Variants in UIMC1 observed in about 807,000 individuals in gnomAD.
UIMC1 encodes the protein BRCA1-A complex subunit RAP80.
UIMC1 carries 42 observed loss-of-function variants against 84.9 expected under a neutral mutation model. The observed-to-expected ratio is 0.49, with a 90% CI of 0.39 to 0.64. The LOEUF (loss-of-function observed/expected upper bound fraction) is 0.64. Ranked by LOEUF, UIMC1 falls within the 30% of genes least tolerant of loss-of-function variation. UIMC1 has a pLI of 0.00. For missense variants in UIMC1, 825 were observed against 847.6 expected (o/e 0.97, Z 0.33); for synonymous variants, 281 against 293.0 (o/e 0.96, Z 0.42).
At chr5:176,957,771 G>C (rs1028304349) in intron 7 of UIMC1, among the ~76,000 whole-genome samples, 1 of 152,144 alleles carries the variant, frequency 6.6e-6, no homozygotes, top group African/African-American at 2.4e-5. Flanking sequence ...CCTTCAAATT[G>C]GCATAGAAAA....
chr5:176,974,165 A>G (rs1355254035), intron 3 of UIMC1, among the ~76,000 whole-genome samples: 4 of 152,352 alleles, frequency 2.6e-5, no homozygotes, highest in Non-Finnish European at 5.9e-5. Flanking sequence ...GAATTATACT[A>G]CCTGATTTTA....
intron 2 of UIMC1, among the ~76,000 whole-genome samples, chr5:176,977,944 CAAAACA>C (rs1037860241): frequency 6.6e-6 from 1 of 151,634 alleles, no homozygotes; most frequent in African/African-American, 2.4e-5. Context: ...AAAATAATAA[CAAAACA>C]AAAACAAAAA....
intron 11 of UIMC1, among the ~76,000 whole-genome samples, chr5:176,909,039 T>G (rs1313506929): frequency 6.6e-6 from 1 of 152,226 alleles, no homozygotes; most frequent in African/African-American, 2.4e-5. Flanking sequence ...GTAATAGTTT[T>G]TTTCAAAGAG....
chr5:176,950,009 C>T (rs750352703), intron 9 of UIMC1, among the ~76,000 whole-genome samples: 15 of 151,002 alleles, frequency 9.9e-5, no homozygotes, highest in Non-Finnish European at 1.9e-4. Context: ...GAGCCGAGAT[C>T]GCACCACTGC....
At chr5:176,947,915 CAA>C (rs111233011) in intron 9 of UIMC1, among the ~76,000 whole-genome samples, 4 of 140,294 alleles carry the variant, frequency 2.9e-5, no homozygotes, top group African/African-American at 2.6e-5. Flanking sequence ...CTTCAGACTT[CAA>C]AAAAAAAAAA....
At chr5:176,944,691 A>G (rs1764867216) in intron 9 of UIMC1, among the ~76,000 whole-genome samples, 1 of 152,230 alleles carries the variant, frequency 6.6e-6, no homozygotes, top group South Asian at 2.1e-4. Flanking sequence ...TTGGGGTAAG[A>G]GGTTGGGGCT....
intron 1 of UIMC1, among the ~76,000 whole-genome samples, chr5:176,983,773 C>T (rs1013470703): frequency 4.6e-5 from 7 of 151,300 alleles, no homozygotes; most frequent in Admixed American, 6.6e-5. Flanking sequence ...GCCGCCACCC[C>T]GTCTAGGAAG....
chr5:176,963,848 T>C (rs1278975792), intron 6 of UIMC1, among the ~76,000 whole-genome samples: 1 of 144,890 alleles, frequency 6.9e-6, no homozygotes. Flanking sequence ...TCATTTCTGA[T>C]AAAAAAAAAA....
At chr5:176,934,446 A>G (rs1388513324) in intron 10 of UIMC1, among the ~76,000 whole-genome samples, 1 of 152,196 alleles carries the variant, frequency 6.6e-6, no homozygotes. Context: ...TGAGAAGCCT[A>G]GAGATGCAAC....
At chr5:176,931,838 G>A (rs1763123920) in intron 10 of UIMC1, among the ~76,000 whole-genome samples, 2 of 152,156 alleles carry the variant, frequency 1.3e-5, no homozygotes, top group Non-Finnish European at 2.9e-5. Flanking sequence ...TACAGGCGTG[G>A]TGGCACCTGC....
In UIMC1 at chr5:177,018,855, T is replaced by C. The variant is rs779577222; in HGVS notation, c.-9+3609A>G. 8.5e-5 allele frequency among the ~76,000 whole-genome samples: 13 copies of C among 152,132 alleles called. 1 individual carries two copies. The highest frequency in any genetic ancestry group is 2.4e-5 in the African/African-American group (1 of 41,428). On this transcript the variant is annotated intron_variant, in intron 1 of 5. Transcript: ENST00000509236. ...TTTGAGCATGTAATTGGATTGGAGG[T>C]TGTTTTCCAATAATATGCAAAGCAA... is the stretch of plus-strand genomic sequence containing the variant.
intron 1 of UIMC1, among the ~76,000 whole-genome samples, chr5:177,005,274 A>G (rs550956426): frequency 1.3e-3 from 200 of 152,006 alleles, no homozygotes; most frequent in Middle Eastern, 3.4e-3. Context: ...AGGGTCTCCT[A>G]TGTTGCCCAG....
intron 1 of UIMC1, among the ~76,000 whole-genome samples, chr5:176,996,957 A>G (rs950118498): frequency 2.6e-5 from 4 of 152,084 alleles, no homozygotes; most frequent in Non-Finnish European, 4.4e-5. Flanking sequence ...AGGCTGTTGA[A>G]ATGCACAGCA....
chr5:176,924,768 C>T (rs145822829), intron 10 of UIMC1, among the ~76,000 whole-genome samples: 317 of 152,184 alleles, frequency 2.1e-3, no homozygotes, highest in African/African-American at 6.9e-3. Context: ...CAGCCGGGCG[C>T]GGTGGCTCAT....
At position 176,959,963 on chromosome 5, in the gene UIMC1, A is replaced by G. The variant is rs537614307; in HGVS notation, c.1201-1809T>C. Among the ~76,000 whole-genome samples, 7 of 152,166 alleles carry G rather than the reference A, an allele frequency of 4.6e-5. 2 individuals carry two copies. The highest frequency in any genetic ancestry group is 1.7e-4 in the African/African-American group (7 of 41,514). On this transcript the variant is annotated intron_variant, in intron 6 of 14. Transcript: ENST00000511320. The stretch of plus-strand genomic sequence containing the variant: ...GGAGAATCGCTTGAACCCAAAAGGT[A>G]GAGGTTGCAGTGAGCCAAGATCGTG...
At chr5:176,975,338 G>A (rs949355782) in intron 3 of UIMC1, 58 bp downstream of exon 3, 2 of 1,535,310 alleles carry the variant, frequency 1.3e-6, no homozygotes, top group South Asian at 1.1e-5. Context: ...AGTCCAAAAT[G>A]TATCAGTTCT....
intron 2 of UIMC1, among the ~76,000 whole-genome samples, chr5:176,975,736 C>T (rs752009297): frequency 2.0e-5 from 3 of 152,190 alleles, no homozygotes; most frequent in Admixed American, 2.0e-4. Context: ...AAAAACTAGT[C>T]TATCTCTAAA....
At chr5:177,011,752 C>T (rs912307413), upstream of UIMC1, among the ~76,000 whole-genome samples, 2 of 151,612 alleles carry the variant, frequency 1.3e-5, no homozygotes, top group African/African-American at 2.4e-5. Flanking sequence ...GGACCCCAAA[C>T]GGAGGGACCG....
chr5:176,906,772 A>G (rs990047444), intron 13 of UIMC1, among the ~76,000 whole-genome samples: 5 of 152,242 alleles, frequency 3.3e-5, no homozygotes, highest in Non-Finnish European at 5.9e-5. Context: ...CAATAGAAGG[A>G]AGCAATAATG....
Sources: gnomAD v4.1 joint callset for allele counts (sites outside exome capture counted in the v4.1 genomes callset) on GRCh38, gnomAD v4.1.1 for gene constraint, MANE v1.5 for transcripts, NCBI Gene and HGNC (gene_info 2026-07-23, HGNC 2026-07-21) for gene names.